The following UNC13C variants were observed in gnomAD, a reference collection of about 807,000 sequenced individuals.
UNC13C encodes unc-13 homolog C.
A neutral mutation model predicts 245.4 loss-of-function variants in UNC13C; 174 were observed. That is an observed-to-expected ratio of 0.71 (90% CI 0.63 to 0.80). UNC13C has a LOEUF of 0.80. UNC13C is among the 30% of genes least tolerant of loss of function. The pLI, the probability that UNC13C is intolerant of heterozygous loss-of-function variation, is 0.00. For synonymous variants in UNC13C, 992 were observed against 895.1 expected, an observed-to-expected ratio of 1.11 and a Z score of -1.93; for missense variants, 2,829 against 2,602.9, an observed-to-expected ratio of 1.09 and a Z score of -1.89.
In UNC13C at chr15:54,137,888, G is replaced by C. The variant is rs369328925; in HGVS notation, c.2984-5130G>C. 9.9e-5 allele frequency among the ~76,000 whole-genome samples: 15 copies of C among 151,794 alleles called. No homozygotes were observed. In the East Asian group the frequency reaches 2.9e-3, roughly 29 times the overall value. On this transcript the variant is annotated intron_variant, in intron 2 of 32. Coordinates refer to ENST00000260323, the MANE Select transcript of UNC13C (RefSeq NM_001080534.3). ...CATTGGGCTTAGTTTGTTTGGTTTT[G>C]TATCTAGTTCTTTGAAGTAAAAATT...
chr15:54,400,369 C>T (rs1553901), intron 18 of UNC13C, among the ~76,000 whole-genome samples: 1 of 152,010 alleles, frequency 6.6e-6, no homozygotes, highest in African/African-American at 2.4e-5. Flanking sequence ...GTCCCCCCTC[C>T]CTTTTATTTT....
At chr15:54,187,895 C>T (rs2034049093) in intron 4 of UNC13C, among the ~76,000 whole-genome samples, 1 of 152,080 alleles carries the variant, frequency 6.6e-6, no homozygotes, top group Non-Finnish European at 1.5e-5. Flanking sequence ...CTGCAACCTC[C>T]ACCTCCCGGG....
intron 1 of UNC13C, among the ~76,000 whole-genome samples, chr15:54,008,981 CAT>C (rs1253100715): frequency 6.6e-6 from 1 of 152,154 alleles, no homozygotes; most frequent in Non-Finnish European, 1.5e-5. Context: ...GTTTCTGAAA[CAT>C]AACAGGTGAT....
At chr15:53,940,860 AT>A in the UNC13C span, among the ~76,000 whole-genome samples, 1 of 152,244 alleles carries the variant, frequency 6.6e-6, no homozygotes, top group Non-Finnish European at 1.5e-5. Flanking sequence ...TATAGAAATA[AT>A]CAATGTCATG....
chr15:54,602,763 C>G (rs565554079), intron 30 of UNC13C, among the ~76,000 whole-genome samples: 12 of 141,772 alleles, frequency 8.5e-5, no homozygotes, highest in African/African-American at 2.9e-4. Flanking sequence ...TCCAAAGTGA[C>G]TTTTCATTGT....
intron 26 of UNC13C, among the ~76,000 whole-genome samples, chr15:54,537,254 TC>T (rs1444828463): frequency 2.0e-5 from 3 of 151,014 alleles, no homozygotes; most frequent in Admixed American, 2.0e-4. Context: ...TACAAGAAAA[TC>T]CCTAGAAATA....
At chr15:54,435,586 G>A (rs537983207) in intron 19 of UNC13C, among the ~76,000 whole-genome samples, 3 of 151,476 alleles carry the variant, frequency 2.0e-5, no homozygotes, top group Non-Finnish European at 2.9e-5. Context: ...GGTGGGTGGG[G>A]GTGGGGGACT....
At chr15:53,853,124 G>C in the UNC13C span, among the ~76,000 whole-genome samples, 5 of 151,902 alleles carry the variant, frequency 3.3e-5, no homozygotes, top group African/African-American at 1.2e-4. Context: ...CCATCATCTA[G>C]GTATTAAGCC....
At chr15:53,893,830 T>A in the UNC13C span, among the ~76,000 whole-genome samples, 2 of 152,220 alleles carry the variant, frequency 1.3e-5, no homozygotes. Context: ...CTTGGGTCCC[T>A]GGCTTCAGCA....
At chr15:54,256,002 T>C (rs2036269796) in intron 8 of UNC13C, among the ~76,000 whole-genome samples, 1 of 152,108 alleles carries the variant, frequency 6.6e-6, no homozygotes, top group Non-Finnish European at 1.5e-5. Flanking sequence ...GCCGTAGAGG[T>C]ATTCTATATA....
chr15:54,106,348 G>A (rs543831083), intron 2 of UNC13C, among the ~76,000 whole-genome samples: 1 of 152,088 alleles, frequency 6.6e-6, no homozygotes, highest in Non-Finnish European at 1.5e-5. Context: ...GTCTTGAAGA[G>A]AATAAATATT....
intron 20 of UNC13C, 47 bp from the exon 21 acceptor site, chr15:54,500,032 T>G (rs369170605): frequency 2.1e-4 from 289 of 1,353,556 alleles, no homozygotes; most frequent in Non-Finnish European, 2.7e-4. Context: ...GTTAATTTTA[T>G]GCAAATGATG....
the UNC13C span, among the ~76,000 whole-genome samples, chr15:53,899,175 T>G: frequency 6.6e-6 from 1 of 152,210 alleles, no homozygotes; most frequent in African/African-American, 2.4e-5. Flanking sequence ...ATTGCACTTA[T>G]TTATGTATAT....
At chr15:54,402,731 A>G (rs930125485) in intron 18 of UNC13C, among the ~76,000 whole-genome samples, 3 of 152,176 alleles carry the variant, frequency 2.0e-5, no homozygotes, top group African/African-American at 7.2e-5. Context: ...CTTACGCAAA[A>G]TGACTTATCT....
At chr15:54,177,989 T>G (rs1207625955) in intron 4 of UNC13C, among the ~76,000 whole-genome samples, 1 of 152,132 alleles carries the variant, frequency 6.6e-6, no homozygotes, top group Non-Finnish European at 1.5e-5. Context: ...TACTCAGAAT[T>G]TTTAAAATGT....
intron 17 of UNC13C, among the ~76,000 whole-genome samples, chr15:54,383,469 C>T (rs1055511953): frequency 2.6e-5 from 4 of 151,884 alleles, no homozygotes; most frequent in Non-Finnish European, 4.4e-5. Context: ...AGGAAAATAT[C>T]GTTCTTTTAT....
intron 4 of UNC13C, among the ~76,000 whole-genome samples, chr15:54,200,959 G>A (rs1468881065): frequency 6.6e-6 from 1 of 151,900 alleles, no homozygotes; most frequent in East Asian, 1.9e-4. Flanking sequence ...ATCCAAATAG[G>A]CTCAGTTAGA....
chr15:53,972,463 G>T, the UNC13C span, among the ~76,000 whole-genome samples: 1 of 152,170 alleles, frequency 6.6e-6, no homozygotes, highest in African/African-American at 2.4e-5. Flanking sequence ...CCATTTCAAA[G>T]AAATATGTTC....
intron 13 of UNC13C, among the ~76,000 whole-genome samples, chr15:54,307,061 T>C (rs538773476): frequency 1.3e-5 from 2 of 152,002 alleles, no homozygotes; most frequent in Admixed American, 1.3e-4. Context: ...AACCCCACAT[T>C]CTAGAAGATG....
Sources: gnomAD v4.1 joint callset for allele counts (sites outside exome capture counted in the v4.1 genomes callset) on GRCh38, gnomAD v4.1.1 for gene constraint, MANE v1.5 for transcripts, NCBI Gene and HGNC (gene_info 2026-07-23, HGNC 2026-07-21) for gene names.